Variants in SNRPN observed in about 807,000 individuals in gnomAD.
SNRPN encodes small nuclear ribonucleoprotein polypeptide N.
A neutral mutation model predicts 25.2 loss-of-function variants in SNRPN; 7 were observed. That is an observed-to-expected ratio of 0.28 (90% CI 0.16 to 0.52). The LOEUF (loss-of-function observed/expected upper bound fraction) is 0.52. Among genes scored for constraint, SNRPN ranks in the 20% least tolerant of loss-of-function variants. The pLI, the probability that SNRPN is intolerant of heterozygous loss-of-function variation, is 0.96. For missense variants in SNRPN, 196 were observed against 322.5 expected (o/e 0.61, Z 3.00); for synonymous variants, 124 against 110.6 (o/e 1.12, Z -0.76).
At chr15:24,963,487 T>G (rs1304842999) in intron 2 of SNRPN, among the ~76,000 whole-genome samples, 2 of 151,856 alleles carry the variant, frequency 1.3e-5, no homozygotes, top group Non-Finnish European at 2.9e-5. Context: ...TGGTGGCACG[T>G]GCCTGTAATC....
At chr15:24,833,435 A>G (rs867551286) in intron 2 of SNRPN, among the ~76,000 whole-genome samples, 4 of 151,926 alleles carry the variant, frequency 2.6e-5, no homozygotes, top group African/African-American at 9.7e-5. Context: ...GTGTTAAACT[A>G]ATGCACGGAT....
At chr15:24,896,656 G>A (rs2058098297) in intron 2 of SNRPN, among the ~76,000 whole-genome samples, 1 of 152,102 alleles carries the variant, frequency 6.6e-6, no homozygotes, top group South Asian at 2.1e-4. Context: ...GGAGCTTGCA[G>A]TGAGCCGAGA....
At position 24,976,412 on chromosome 15, in the gene SNRPN, A is replaced by G; in HGVS notation, c.263A>G (p.Lys88Arg). 1 of 1,600,650 alleles carries G rather than the reference A, an allele frequency of 6.2e-7. No individual in the cohort carries two copies. Among genetic ancestry groups the G allele is most frequent in the Non-Finnish European group, 8.6e-7 (1 of 1,169,462 alleles). The change falls in exon 6 of 10, where the codon AAA (lysine) becomes AGA (arginine). Residue 88 changes from lysine to arginine, a missense_variant. Physicochemically the swap from Lys to Arg is conservative, Grantham distance 26. Coordinates refer to ENST00000390687, the MANE Select transcript of SNRPN (RefSeq NM_003097.6). ...VSMTVEGPPP[K>R]DTGIARVPLA... ...ATGACTGTGGAGGGGCCACCCCCCA[A>G]AGATGTAAGGAAGATGTAGGGCAGG...
intron 2 of SNRPN, among the ~76,000 whole-genome samples, chr15:24,964,822 A>G (rs2075378683): frequency 6.6e-6 from 1 of 152,088 alleles, no homozygotes; most frequent in South Asian, 2.1e-4. Flanking sequence ...TCTCATCCTC[A>G]TCTTGTTGTG....
intron 2 of SNRPN, among the ~76,000 whole-genome samples, chr15:24,916,825 C>T (rs1273925940): frequency 6.6e-6 from 1 of 152,102 alleles, no homozygotes; most frequent in Non-Finnish European, 1.5e-5. Context: ...TCTGAACCTT[C>T]GTGGTGAGTG....
In SNRPN at chr15:24,833,952, G is replaced by A. The variant is rs902950120; in HGVS notation, c.-579+4047G>A. Among the ~76,000 whole-genome samples, 25 of 152,084 alleles carry A rather than the reference G, an allele frequency of 1.6e-4. 3 individuals are homozygous for A. Among genetic ancestry groups the A allele is most frequent in the African/African-American group, 6.0e-4 (25 of 41,332 alleles). Reference sequence around the variant, plus strand: ...TTATTTTATTTTATTTTCAGATGGAGTCTCACTCTGTTGCCCAGGCTGGAG... The same window carrying A: ...TTATTTTATTTTATTTTCAGATGGAATCTCACTCTGTTGCCCAGGCTGGAG... On this transcript the variant is annotated intron_variant, in intron 2 of 12. Transcript: ENST00000400100.
chr15:24,889,584 C>T (rs1389333781), intron 2 of SNRPN, among the ~76,000 whole-genome samples: 1 of 151,906 alleles, frequency 6.6e-6, no homozygotes, highest in Non-Finnish European at 1.5e-5. Context: ...GGATTACAGG[C>T]ATGAGCCACC....
At chr15:24,949,082 C>T (rs111625806) in intron 3 of SNRPN, among the ~76,000 whole-genome samples, 5,687 of 130,182 alleles carry the variant, frequency 0.044, 384 homozygotes, top group African/African-American at 0.15. Context: ...AGTGCAGTGG[C>T]GCAATCTCGG....
chr15:24,834,759 A>ATATG (rs1566806731), intron 2 of SNRPN, among the ~76,000 whole-genome samples: 1 of 38,158 alleles, frequency 2.6e-5, no homozygotes, highest in African/African-American at 6.8e-5. Context: ...CTCTATATAT[A>ATATG]TATATATATA....
chr15:24,977,129 A>G (rs2077148088), intron 7 of SNRPN, 100 bp downstream of exon 7: 8 of 943,542 alleles, frequency 8.5e-6, no homozygotes, highest in Non-Finnish European at 1.2e-5. Flanking sequence ...TACAATGTAA[A>G]CAGCATATGG....
intron 1 of SNRPN, among the ~76,000 whole-genome samples, chr15:24,824,132 CTGG>C (rs1475683973): frequency 1.3e-5 from 2 of 152,148 alleles, no homozygotes; most frequent in East Asian, 3.9e-4. Context: ...TGAAATACGA[CTGG>C]TTGAAAAGGA....
upstream of SNRPN, among the ~76,000 whole-genome samples, chr15:24,852,648 G>A (rs529747287): frequency 3.2e-4 from 48 of 152,296 alleles, 1 homozygote; most frequent in Admixed American, 1.0e-3. Flanking sequence ...TGGACGCAGT[G>A]GCTTATGCCT....
chr15:24,899,916 A>G (rs1385659124), intron 2 of SNRPN, among the ~76,000 whole-genome samples: 1 of 152,172 alleles, frequency 6.6e-6, no homozygotes, highest in Non-Finnish European at 1.5e-5. Flanking sequence ...GTTCCAAGAG[A>G]TATTTCCACA....
intron 2 of SNRPN, among the ~76,000 whole-genome samples, chr15:24,918,996 C>CAT (rs1171184931): frequency 9.0e-6 from 1 of 111,024 alleles, no homozygotes; most frequent in Non-Finnish European, 1.9e-5. Context: ...TATATGTGCG[C>CAT]ATATATATAT....
At chr15:24,956,094 C>A (rs1237711513) in intron 1 of SNRPN, among the ~76,000 whole-genome samples, 1 of 152,082 alleles carries the variant, frequency 6.6e-6, no homozygotes, top group Non-Finnish European at 1.5e-5. Flanking sequence ...TCCTTGCGTA[C>A]CCTTTAGGAA....
At chr15:24,968,248 C>T in intron 3 of SNRPN, 166 bp downstream of exon 3, 2 of 534,798 alleles carry the variant, frequency 3.7e-6, no homozygotes, top group Admixed American at 6.4e-5. Context: ...AAATTTTCTG[C>T]CCTGACACTT....
At chr15:24,853,566 C>T (rs188189559), upstream of SNRPN, among the ~76,000 whole-genome samples, 31 of 152,082 alleles carry the variant, frequency 2.0e-4, no homozygotes, top group South Asian at 4.2e-3. Flanking sequence ...GCTAATTTTT[C>T]GTATTTTTAG....
At chr15:24,921,126 A>G (rs951063034) in intron 3 of SNRPN, 2 of 152,204 alleles carry the variant, frequency 1.3e-5, no homozygotes, top group Non-Finnish European at 2.9e-5. Context: ...CACTTGGCCA[A>G]GGCTCTTCTG....
At chr15:24,933,515 T>C (rs1298409026) in intron 3 of SNRPN, among the ~76,000 whole-genome samples, 1 of 152,056 alleles carries the variant, frequency 6.6e-6, no homozygotes, top group Admixed American at 6.6e-5. Context: ...CGGTGGCTCA[T>C]GCCTGTAATC....
Sources: gnomAD v4.1 joint callset for allele counts (sites outside exome capture counted in the v4.1 genomes callset) on GRCh38, gnomAD v4.1.1 for gene constraint, MANE v1.5 for transcripts, NCBI Gene and HGNC (gene_info 2026-07-23, HGNC 2026-07-21) for gene names.